Variants in CLVS1 observed in about 807,000 individuals in gnomAD.
CLVS1 encodes the protein clavesin 1.
In CLVS1, 10 loss-of-function variants were observed where a neutral mutation model predicts 33.1. The observed-to-expected ratio is 0.30, with a 90% CI of 0.19 to 0.51. The LOEUF is 0.51. Ranked by LOEUF, CLVS1 falls within the 20% of genes least tolerant of loss-of-function variation. CLVS1 has a pLI of 0.97. For missense variants in CLVS1, 343 were observed against 433.4 expected (o/e 0.79, Z 1.85); for synonymous variants, 163 against 166.1 (o/e 0.98, Z 0.14).
At chr8:61,473,321 C>T (rs74488226) in intron 5 of CLVS1, among the ~76,000 whole-genome samples, 10,124 of 119,396 alleles carry the variant, frequency 0.085, 424 homozygotes, top group Non-Finnish European at 0.1. Flanking sequence ...CAATTGATGA[C>T]ATCTGAAATT....
chr8:61,477,193 G>T (rs1418585377), intron 5 of CLVS1, among the ~76,000 whole-genome samples: 1 of 152,170 alleles, frequency 6.6e-6, no homozygotes, highest in Non-Finnish European at 1.5e-5. Flanking sequence ...GCTGGATTCG[G>T]TTTTCCAGTA....
intron 1 of CLVS1, among the ~76,000 whole-genome samples, chr8:61,070,188 G>A (rs886833311): frequency 6.6e-6 from 1 of 152,088 alleles, no homozygotes; most frequent in Non-Finnish European, 1.5e-5. Flanking sequence ...TCTGCCTTCT[G>A]CCTATGGCTT....
chr8:61,011,044 C>T, the CLVS1 span, among the ~76,000 whole-genome samples: 3 of 152,216 alleles, frequency 2.0e-5, no homozygotes, highest in African/African-American at 4.8e-5. Context: ...GTCCCGTCAC[C>T]GCTGTAATGG....
At chr8:61,498,430 G>GGAGA (rs1804344100) in intron 5 of CLVS1, among the ~76,000 whole-genome samples, 1 of 152,158 alleles carries the variant, frequency 6.6e-6, no homozygotes, top group African/African-American at 2.4e-5. Flanking sequence ...GCACATATAT[G>GGAGA]TAAGTTTTAC....
At chr8:60,981,282 T>C in the CLVS1 span, among the ~76,000 whole-genome samples, 1 of 152,196 alleles carries the variant, frequency 6.6e-6, no homozygotes, top group African/African-American at 2.4e-5. Flanking sequence ...CATAGGAGTA[T>C]GCCACAAGCC....
chr8:61,264,305 T>C (rs1421678291), intron 2 of CLVS1, among the ~76,000 whole-genome samples: 2 of 152,066 alleles, frequency 1.3e-5, no homozygotes, highest in Non-Finnish European at 2.9e-5. Flanking sequence ...TTTAACGATA[T>C]GAAATGGGGT....
intron 2 of CLVS1, among the ~76,000 whole-genome samples, chr8:61,361,893 C>G (rs1238170336): frequency 3.3e-5 from 5 of 152,108 alleles, no homozygotes; most frequent in African/African-American, 9.7e-5. Context: ...TAATAGGGTA[C>G]AGAGACTGAA....
the CLVS1 span, among the ~76,000 whole-genome samples, chr8:61,002,675 A>G: frequency 1.3e-5 from 2 of 152,144 alleles, no homozygotes; most frequent in African/African-American, 4.8e-5. Flanking sequence ...GAAGTAGAAA[A>G]TCATGCCTTA....
chr8:61,104,912 T>G (rs1805507478), intron 1 of CLVS1, among the ~76,000 whole-genome samples: 1 of 152,148 alleles, frequency 6.6e-6, no homozygotes, highest in Non-Finnish European at 1.5e-5. Context: ...CACTGCAACC[T>G]CCGACTCCTG....
At chr8:60,988,990 A>G in the CLVS1 span, among the ~76,000 whole-genome samples, 1 of 152,066 alleles carries the variant, frequency 6.6e-6, no homozygotes, top group African/African-American at 2.4e-5. Flanking sequence ...TCAGCCTCCC[A>G]AGTAGGTGAG....
chr8:61,059,479 T>TAC lies in CLVS1; in HGVS notation c.-243+2250_-243+2251insCA, dbSNP rs1804541843. On this transcript the variant is annotated intron_variant, in intron 1 of 2. Coordinates refer to the CLVS1 transcript ENST00000522621. ...ACACATATACATACATACATACATA[T>TAC]ATATATATATATATATATATACACA... Among the ~76,000 whole-genome samples, 5 of 68,000 alleles carry TAC rather than the reference T, an allele frequency of 7.4e-5. 1 individual carries two copies. In the East Asian group the frequency reaches 4.0e-3, roughly 54 times the overall value. The allele number at this position is 68,000 out of a possible 152,430, so 44.6% of individuals were successfully genotyped here.
chr8:61,356,006 T>C (rs1265263480), intron 2 of CLVS1, among the ~76,000 whole-genome samples: 2 of 152,228 alleles, frequency 1.3e-5, no homozygotes, highest in Non-Finnish European at 2.9e-5. Flanking sequence ...TCCACAATGA[T>C]TGAACTAGTT....
chr8:61,349,929 C>T (rs575074174), intron 2 of CLVS1, among the ~76,000 whole-genome samples: 6 of 152,028 alleles, frequency 3.9e-5, no homozygotes, highest in Non-Finnish European at 5.9e-5. Context: ...ACTGCATCAC[C>T]GAGGCACATG....
chr8:61,365,264 A>C (rs1377864372), intron 2 of CLVS1, among the ~76,000 whole-genome samples: 3 of 152,176 alleles, frequency 2.0e-5, no homozygotes, highest in African/African-American at 7.2e-5. Flanking sequence ...GCGTTGGCTC[A>C]CGTCTGTAAT....
chr8:61,052,109 G>A, the CLVS1 span, among the ~76,000 whole-genome samples: 8 of 152,214 alleles, frequency 5.3e-5, no homozygotes, highest in South Asian at 2.1e-4. Flanking sequence ...ACCGCACCCC[G>A]TGGGAGACAG....
chr8:61,382,182 A>G (rs1245617110), intron 3 of CLVS1, among the ~76,000 whole-genome samples: 2 of 152,230 alleles, frequency 1.3e-5, no homozygotes, highest in East Asian at 1.9e-4. Flanking sequence ...ATGGTAGTTC[A>G]TGAGTATCAA....
chr8:61,213,698 A>G (rs551723922), intron 2 of CLVS1, among the ~76,000 whole-genome samples: 2 of 152,276 alleles, frequency 1.3e-5, no homozygotes, highest in Admixed American at 1.3e-4. Context: ...ATGTTGCCTC[A>G]GGACCCTGTA....
At chr8:61,159,165 T>C (rs938520164) in intron 2 of CLVS1, among the ~76,000 whole-genome samples, 3 of 152,246 alleles carry the variant, frequency 2.0e-5, no homozygotes, top group African/African-American at 4.8e-5. Flanking sequence ...CGATGAGCCA[T>C]GCAATGGCTG....
At chr8:61,240,538 C>A (rs1585714884) in intron 2 of CLVS1, among the ~76,000 whole-genome samples, 1 of 152,154 alleles carries the variant, frequency 6.6e-6, no homozygotes, top group African/African-American at 2.4e-5. Flanking sequence ...ATTTGTTTAG[C>A]CACAAAAATT....
Sources: gnomAD v4.1 joint callset for allele counts (sites outside exome capture counted in the v4.1 genomes callset) on GRCh38, gnomAD v4.1.1 for gene constraint, MANE v1.5 for transcripts, NCBI Gene and HGNC (gene_info 2026-07-23, HGNC 2026-07-21) for gene names.